The following SYNPR variants were observed in gnomAD, a reference collection of about 807,000 sequenced individuals.
SYNPR encodes synaptoporin.
SYNPR carries 23 observed loss-of-function variants against 32.9 expected under a neutral mutation model. That is an observed-to-expected ratio of 0.70 (90% CI 0.50 to 0.99). The LOEUF (loss-of-function observed/expected upper bound fraction) is 0.99, where lower values mean the gene tolerates loss of function less well. Ranked by LOEUF, SYNPR falls within the 50% of genes least tolerant of loss-of-function variation. The pLI is 0.00. For missense variants in SYNPR, 318 were observed against 349.3 expected, an observed-to-expected ratio of 0.91 and a Z score of 0.71; for synonymous variants, 146 against 135.9, an observed-to-expected ratio of 1.07 and a Z score of -0.52.
At chr3:63,380,559 T>C (rs2087953644) in intron 2 of SYNPR, among the ~76,000 whole-genome samples, 1 of 152,194 alleles carries the variant, frequency 6.6e-6, no homozygotes, top group Non-Finnish European at 1.5e-5. Context: ...TGTAAATTTG[T>C]TTGAGTTCTT....
chr3:63,403,356 G>A (rs1001145673), intron 2 of SYNPR, among the ~76,000 whole-genome samples: 3 of 151,750 alleles, frequency 2.0e-5, no homozygotes, highest in Non-Finnish European at 1.5e-5. Flanking sequence ...CTGCATTACT[G>A]TGTTACTGCT....
chr3:63,298,682 A>C (rs2086814716), intron 2 of SYNPR, among the ~76,000 whole-genome samples: 1 of 152,158 alleles, frequency 6.6e-6, no homozygotes, highest in African/African-American at 2.4e-5. Context: ...TGGATTCCCC[A>C]AAAACAGACT....
At chr3:63,338,759 G>A (rs2087325821) in intron 2 of SYNPR, among the ~76,000 whole-genome samples, 2 of 152,168 alleles carry the variant, frequency 1.3e-5, no homozygotes, top group Admixed American at 6.5e-5. Flanking sequence ...ATACCATGCT[G>A]TCCCCAATGA....
chr3:63,360,194 T>A (rs2087637392), intron 2 of SYNPR, among the ~76,000 whole-genome samples: 1 of 152,194 alleles, frequency 6.6e-6, no homozygotes, highest in Admixed American at 6.5e-5. Flanking sequence ...TTTCACCCAG[T>A]TATTGTAGCC....
intron 2 of SYNPR, among the ~76,000 whole-genome samples, chr3:63,384,068 C>G (rs972492439): frequency 1.3e-5 from 2 of 152,210 alleles, no homozygotes; most frequent in African/African-American, 4.8e-5. Flanking sequence ...AGCAAAATGT[C>G]TTCTTCAAAG....
At chr3:63,202,126 G>T in the SYNPR span, among the ~76,000 whole-genome samples, 1 of 152,122 alleles carries the variant, frequency 6.6e-6, no homozygotes, top group Non-Finnish European at 1.5e-5. Context: ...TGTGTGATAG[G>T]ATCAGCTGTG....
intron 2 of SYNPR, among the ~76,000 whole-genome samples, chr3:63,395,806 A>C (rs1575622974): frequency 6.6e-6 from 1 of 152,138 alleles, no homozygotes; most frequent in African/African-American, 2.4e-5. Flanking sequence ...GATCATACTT[A>C]AATGTTCTTT....
chr3:63,615,110 C>A, intron 5 of SYNPR, 114 bp from the exon 6 acceptor site: 1 of 1,299,958 alleles, frequency 7.7e-7, no homozygotes, highest in Non-Finnish European at 1.0e-6. Context: ...TGGAAGCGGA[C>A]TCAACATTAA....
At chr3:63,545,414 G>A (rs1427269300) in intron 3 of SYNPR, 5 of 152,036 alleles carry the variant, frequency 3.3e-5, no homozygotes, top group Admixed American at 6.6e-5. Flanking sequence ...GTCCACTAGC[G>A]TGAGGCTATT....
intron 2 of SYNPR, among the ~76,000 whole-genome samples, chr3:63,403,441 T>TACACACACACACACACACACAC (rs10559096): frequency 2.5e-4 from 36 of 146,018 alleles, no homozygotes; most frequent in African/African-American, 9.0e-4. Flanking sequence ...TGTATACACA[T>TACACACACACACACACACACAC]ACACACACAC....
At chr3:63,334,403 G>T (rs1324151783) in intron 2 of SYNPR, among the ~76,000 whole-genome samples, 2 of 152,172 alleles carry the variant, frequency 1.3e-5, no homozygotes, top group East Asian at 3.9e-4. Flanking sequence ...CTTGCCTTGG[G>T]ATTTAGTCAA....
chr3:63,378,779 GT>G (rs2087928215), intron 2 of SYNPR, among the ~76,000 whole-genome samples: 1 of 150,790 alleles, frequency 6.6e-6, no homozygotes, highest in East Asian at 1.9e-4. Flanking sequence ...TTTTTCTACT[GT>G]TATTTATTTA....
upstream of SYNPR, among the ~76,000 whole-genome samples, chr3:63,275,457 T>A (rs1425833622): frequency 3.3e-5 from 5 of 152,344 alleles, no homozygotes; most frequent in African/African-American, 1.2e-4. Context: ...AATTCTGACT[T>A]CCTTCACATG....
chr3:63,206,062 G>T, the SYNPR span, among the ~76,000 whole-genome samples: 1 of 152,212 alleles, frequency 6.6e-6, no homozygotes, highest in Admixed American at 6.5e-5. Context: ...CAAATTTGTA[G>T]CCCCTGTTCC....
intron 3 of SYNPR, among the ~76,000 whole-genome samples, chr3:63,527,771 G>T (rs1188582616): frequency 6.6e-6 from 1 of 152,034 alleles, no homozygotes; most frequent in Non-Finnish European, 1.5e-5. Flanking sequence ...TCCTTTGCGT[G>T]GCCTTATGCT....
At chr3:63,504,485 AC>A (rs1701547314) in intron 3 of SYNPR, among the ~76,000 whole-genome samples, 1 of 151,926 alleles carries the variant, frequency 6.6e-6, no homozygotes, top group African/African-American at 2.4e-5. Flanking sequence ...AAATTTACAA[AC>A]CATTTGCTTT....
intron 4 of SYNPR, among the ~76,000 whole-genome samples, chr3:63,592,225 C>T (rs1021142163): frequency 2.0e-5 from 3 of 152,124 alleles, no homozygotes; most frequent in African/African-American, 7.2e-5. Context: ...TCAGAGCCTC[C>T]AGGAAGAATT....
Position 63,237,192 on chromosome 3 carries a change from G to A in SYNPR, n.66+8812G>A, listed in dbSNP as rs1448698695. On this transcript the variant is annotated intron_variant and non_coding_transcript_variant, in intron 1 of 4. Coordinates refer to the SYNPR transcript ENST00000478456. ...TGATATGGCAATGTTGTATATACAG[G>A]GTATTTTGTTCTTGTCTTACAGGTC... Among the ~76,000 whole-genome samples the A allele has an allele frequency of 2.0e-5, 3 of 151,636 alleles. No homozygotes were observed. In the East Asian group the frequency reaches 5.8e-4, roughly 29 times the overall value.
chr3:63,247,391 C>T (rs566583132), intron 1 of SYNPR, among the ~76,000 whole-genome samples: 5 of 152,114 alleles, frequency 3.3e-5, no homozygotes, highest in South Asian at 4.1e-4. Flanking sequence ...ATGACAGCTA[C>T]TCCCCATGTT....
Sources: gnomAD v4.1 joint callset for allele counts (sites outside exome capture counted in the v4.1 genomes callset) on GRCh38, gnomAD v4.1.1 for gene constraint, MANE v1.5 for transcripts, NCBI Gene and HGNC (gene_info 2026-07-23, HGNC 2026-07-21) for gene names.